The following SCN10A variants were observed in gnomAD, a reference collection of about 807,000 sequenced individuals.
SCN10A encodes the protein sodium channel protein type 10 subunit alpha.
Under a neutral mutation model 170.7 loss-of-function variants are expected in SCN10A, and 162 were observed. The ratio of observed to expected loss-of-function variants is 0.95; its 90% CI spans 0.84 to 1.08. The LOEUF (loss-of-function observed/expected upper bound fraction) is 1.08. Ranked by LOEUF, SCN10A falls within the 50% of genes least tolerant of loss-of-function variation. The probability of loss-of-function intolerance (pLI) is 0.00; values close to 1 mark genes in which losing one functional copy is unlikely to be tolerated. For synonymous variants in SCN10A, 985 were observed against 904.6 expected (o/e 1.09, Z -1.59); for missense variants, 2,527 against 2,436.9 (o/e 1.04, Z -0.78).
rs2063756523 is a variant in SCN10A, at chr3:38,752,359, G to A, written c.1615C>T (p.Leu539=). ...CCTTGCTGGCCAGCACCCCCACCCAGCAGCAGAGAGCCCCGATGGCTTTCG... is the reference window on the plus strand; with the variant it reads ...CCTTGCTGGCCAGCACCCCCACCCAACAGCAGAGAGCCCCGATGGCTTTCG... The part of the protein sequence containing the change: ...DHESHRGSLL[L]GGGAGQQGPL... The change falls in exon 12 of 28, where the codon CTG becomes TTG. Residue 539 remains leucine, a synonymous_variant. Transcript: ENST00000449082. 1 of 1,613,896 alleles carries A rather than the reference G, an allele frequency of 6.2e-7. No individual in the cohort carries two copies.
chr3:38,792,986 T>C (rs2126060938), intron 2 of SCN10A, among the ~76,000 whole-genome samples: 1 of 152,168 alleles, frequency 6.6e-6, no homozygotes, highest in Non-Finnish European at 1.5e-5. Context: ...TATACCTATA[T>C]ATACATAACT....
intron 6 of SCN10A, among the ~76,000 whole-genome samples, chr3:38,761,815 AGTGTGTGTGT>A (rs10637333): frequency 7.0e-6 from 1 of 142,004 alleles, no homozygotes; most frequent in South Asian, 2.3e-4. Flanking sequence ...ACTGTGTGTG[AGTGTGTGTGT>A]GTGTGTGTGT....
intron 1 of SCN10A, among the ~76,000 whole-genome samples, chr3:38,801,983 C>A (rs1021275552): frequency 6.6e-6 from 1 of 152,144 alleles, no homozygotes; most frequent in African/African-American, 2.4e-5. Context: ...AAATCATTGT[C>A]TTCCATGATC....
chr3:38,761,750 C>G (rs549823502), intron 6 of SCN10A, among the ~76,000 whole-genome samples: 8 of 152,088 alleles, frequency 5.3e-5, no homozygotes, highest in East Asian at 1.9e-4. Flanking sequence ...AATTTGGCAT[C>G]TGTCTTTCTG....
At position 38,722,220 on chromosome 3, in the gene SCN10A, C is replaced by A. The variant is rs181688711; in HGVS notation, c.3507+38G>T. The A allele has an allele frequency of 5.2e-4, 836 of 1,594,288 alleles. 5 individuals carry two copies. The highest frequency in any genetic ancestry group is 9.8e-5 in the Non-Finnish European group (115 of 1,168,386). ...CCTTTGGATTGTAGGAGATTCCTAT[C>A]TGGAGGATTTGGGGGCAGGGACTAT... On this transcript the variant is annotated intron_variant, in intron 20 of 27. Coordinates refer to ENST00000449082, the MANE Select transcript of SCN10A (RefSeq NM_006514.4).
chr3:38,795,724 C>T (rs2064337234), intron 1 of SCN10A, among the ~76,000 whole-genome samples: 1 of 152,084 alleles, frequency 6.6e-6, no homozygotes, highest in South Asian at 2.1e-4. Flanking sequence ...TGAATAATGG[C>T]ACTCTATCTT....
Position 38,722,399 on chromosome 3 carries a change from G to A in SCN10A, c.3366C>T (p.His1122=). 6.2e-7 allele frequency: 1 copy of A among 1,613,824 alleles called. No homozygotes were observed. Among genetic ancestry groups the A allele is most frequent in the Middle Eastern group, 1.7e-4 (1 of 6,058 alleles). ...DDCFTEGCIR[H]CPCCKLDTTK... The stretch of plus-strand genomic sequence containing the variant: ...TGGTATCCAGTTTGCAGCAGGGACA[G>A]TGGCGAATGCATCCTGTGGGGAGAG... The change falls in exon 20 of 28, where the codon CAC becomes CAT. Residue 1122 remains histidine, a synonymous_variant. Coordinates refer to ENST00000449082, the MANE Select transcript of SCN10A (RefSeq NM_006514.4).
rs1575182553 is a variant in SCN10A at position 38,792,082 on chromosome 3, G to T, written c.357C>A (p.Ile119=). The change falls in exon 3 of 28, where the codon ATC becomes ATA. Residue 119 remains isoleucine (I), a synonymous_variant. Coordinates refer to ENST00000449082, the MANE Select transcript of SCN10A (RefSeq NM_006514.4). ...CAGACACTTTGATGGCCGTTCTTCT[G>T]ATCAGGTTGAAAGGACTGAATAGCC... is the stretch of plus-strand genomic sequence containing the variant. ...ALWLFSPFNL[I]RRTAIKVSVH... 1.2e-6 allele frequency: 2 copies of T among 1,613,798 alleles called. No individual in the cohort carries two copies. Among genetic ancestry groups the T allele is most frequent in the East Asian group, 2.2e-5 (1 of 44,858 alleles).
At chr3:38,742,068 T>C (rs2063638087) in intron 14 of SCN10A, among the ~76,000 whole-genome samples, 1 of 152,176 alleles carries the variant, frequency 6.6e-6, no homozygotes, top group South Asian at 2.1e-4. Context: ...CCTGTGCTTG[T>C]TCATCCCAAA....
intron 1 of SCN10A, among the ~76,000 whole-genome samples, chr3:38,815,120 A>G (rs2064466513): frequency 6.6e-6 from 1 of 152,232 alleles, no homozygotes; most frequent in South Asian, 2.1e-4. Context: ...AAAAAAGCCA[A>G]ACAAAGCCAG....
chr3:38,765,357 A>G (rs2063920305), intron 5 of SCN10A, among the ~76,000 whole-genome samples: 1 of 152,166 alleles, frequency 6.6e-6, no homozygotes. Context: ...CTTAGATTTA[A>G]GCCTTTTATC....
intron 16 of SCN10A, among the ~76,000 whole-genome samples, chr3:38,727,579 G>A (rs2063471513): frequency 6.6e-6 from 1 of 152,216 alleles, no homozygotes; most frequent in Admixed American, 6.5e-5. Flanking sequence ...GAAGAACAGA[G>A]TTTCTGGGAT....
chr3:38,809,332 G>C (rs774431194), intron 1 of SCN10A, among the ~76,000 whole-genome samples: 11 of 152,226 alleles, frequency 7.2e-5, no homozygotes, highest in Non-Finnish European at 1.6e-4. Flanking sequence ...ACAGATCTGT[G>C]TGTTCTTGAC....
chr3:38,697,497 T>C lies in SCN10A; in HGVS notation c.5723A>G (p.Lys1908Arg). ...TGATGTGGCAGAAGCAGTTTCAGAT[T>C]TGTCTGGGAGTACACAATTTTCATT... is the stretch of plus-strand genomic sequence containing the variant. ...TANENCVLPD[K>R]SETASATSFP... Residue 1908 changes from lysine to arginine, a missense_variant, in exon 28 of 28, where the codon AAA becomes AGA. Physicochemically the swap from Lys to Arg is conservative, Grantham distance 26. Transcript: ENST00000449082. 3 of 1,614,162 alleles carry C rather than the reference T, an allele frequency of 1.9e-6. No homozygotes were observed. The highest frequency in any genetic ancestry group is 2.5e-6 in the Non-Finnish European group (3 of 1,180,032).
intron 13 of SCN10A, among the ~76,000 whole-genome samples, chr3:38,743,865 T>A (rs1418148634): frequency 6.6e-6 from 1 of 152,196 alleles, no homozygotes; most frequent in African/African-American, 2.4e-5. Flanking sequence ...CAATTTCTGA[T>A]CCCTTCCTGA....
Position 38,705,778 on chromosome 3 carries a change from G to A in SCN10A, c.4386+1501C>T, listed in dbSNP as rs192467232. ...GTTGTCCCTAGCACACACCTCCTTG[G>A]CATCTGGCTCAAATGTGGATTCAAT... On this transcript the variant is annotated intron_variant, in intron 26 of 27. Transcript: ENST00000449082. 3.2e-3 allele frequency among the ~76,000 whole-genome samples: 481 copies of A among 152,200 alleles called. 2 individuals carry two copies. The highest frequency in any genetic ancestry group is 5.4e-3 in the Non-Finnish European group (364 of 68,008).
At chr3:38,736,320 A>T (rs1303225012) in intron 15 of SCN10A, among the ~76,000 whole-genome samples, 2 of 151,498 alleles carry the variant, frequency 1.3e-5, no homozygotes, top group Non-Finnish European at 2.9e-5. Flanking sequence ...TATTTGTAAC[A>T]AATGTAGGTA....
chr3:38,725,313 T>A lies in SCN10A; in HGVS notation c.3089A>T (p.Gln1030Leu), dbSNP rs757082613. 6.3e-7 allele frequency: 1 copy of A among 1,576,592 alleles called. No individual in the cohort carries two copies. The highest frequency in any genetic ancestry group is 8.7e-7 in the Non-Finnish European group (1 of 1,151,244). Residue 1030 changes from glutamine to leucine, a missense_variant and splice_region_variant, in exon 18 of 28, where the codon CAG (glutamine) becomes CTG (leucine). Physicochemically the swap from Gln to Leu is moderately radical, Grantham distance 113 (BLOSUM62 -2). Coordinates refer to ENST00000449082, the MANE Select transcript of SCN10A (RefSeq NM_006514.4). ...CCTCTCGACTTGCTGCAGCTGCTCC[T>A]GCTAGTGAGAGAGGGTCCCAACTGG... ...FQQEVIPKGQ[Q>L]EQLQQVERCG...
At chr3:38,799,608 A>G (rs2064359604) in intron 1 of SCN10A, among the ~76,000 whole-genome samples, 1 of 152,192 alleles carries the variant, frequency 6.6e-6, no homozygotes, top group African/African-American at 2.4e-5. Context: ...TTGCTAATTG[A>G]GAACGTGCTT....
Sources: allele counts gnomAD v4.1 joint callset (sites outside exome capture counted in the v4.1 genomes callset), GRCh38; gene constraint gnomAD v4.1.1; transcripts MANE v1.5; gene names NCBI Gene and HGNC (gene_info 2026-07-23, HGNC 2026-07-21).